The following DNAH6 variants were observed in gnomAD, a reference collection of about 807,000 sequenced individuals.
DNAH6 encodes the protein axonemal beta dynein heavy chain 6.
Under a neutral mutation model 491.4 loss-of-function variants are expected in DNAH6, and 340 were observed. That is an observed-to-expected ratio of 0.69 (90% confidence interval 0.63 to 0.76). DNAH6 has a LOEUF of 0.76. DNAH6 is among the 30% of genes least tolerant of loss of function. The pLI, the probability that DNAH6 is intolerant of heterozygous loss-of-function variation, is 0.00. For synonymous variants in DNAH6, 1,603 were observed against 1,686.1 expected (o/e 0.95, Z 1.21); for missense variants, 4,443 against 4,972.2 (o/e 0.89, Z 3.20).
At chr2:84,788,472 T>G (rs766325554) in intron 68 of DNAH6, among the ~76,000 whole-genome samples, 7 of 152,166 alleles carry the variant, frequency 4.6e-5, no homozygotes, top group Non-Finnish European at 1.0e-4. Flanking sequence ...ATAAGCTGAT[T>G]ATAAAATTCA....
At chr2:84,470,024 G>GCCTCTAA in the DNAH6 span, among the ~76,000 whole-genome samples, 1 of 152,118 alleles carries the variant, frequency 6.6e-6, no homozygotes, top group Non-Finnish European at 1.5e-5. Flanking sequence ...CCTAAGTTGG[G>GCCTCTAA]CCTCTAACCC....
intron 2 of DNAH6, among the ~76,000 whole-genome samples, chr2:84,524,508 T>C (rs2104427317): frequency 6.6e-6 from 1 of 152,226 alleles, no homozygotes; most frequent in Non-Finnish European, 1.5e-5. Context: ...ACTGGCTTGT[T>C]TGTGTGGTTG....
chr2:84,553,647 T>TTTG (rs962716228), intron 10 of DNAH6, among the ~76,000 whole-genome samples: 4 of 143,512 alleles, frequency 2.8e-5, no homozygotes, highest in Non-Finnish European at 6.1e-5. Flanking sequence ...TTTTTTTTTT[T>TTTG]TTTGTAGAGA....
chr2:84,486,939 T>C, the DNAH6 span, among the ~76,000 whole-genome samples: 1 of 152,130 alleles, frequency 6.6e-6, no homozygotes, highest in Non-Finnish European at 1.5e-5. Flanking sequence ...TCTGGACCAG[T>C]GCTCAGTGGC....
At chr2:84,740,989 CA>C (rs1672473979) in intron 62 of DNAH6, among the ~76,000 whole-genome samples, 1 of 152,192 alleles carries the variant, frequency 6.6e-6, no homozygotes, top group Admixed American at 6.5e-5. Context: ...GGTTACCAAA[CA>C]ATGGCTCTAA....
At chr2:84,640,129 G>A (rs1035469416) in intron 31 of DNAH6, among the ~76,000 whole-genome samples, 2 of 152,122 alleles carry the variant, frequency 1.3e-5, no homozygotes, top group East Asian at 1.9e-4. Context: ...CAACTTTCAC[G>A]ATGGGAACAT....
intron 17 of DNAH6, among the ~76,000 whole-genome samples, chr2:84,594,695 C>T (rs1684413034): frequency 2.0e-5 from 3 of 152,300 alleles, no homozygotes; most frequent in Middle Eastern, 3.4e-3. Flanking sequence ...GAAATACTAT[C>T]AACCTCACAA....
At chr2:84,727,147 G>A (rs998885333) in intron 60 of DNAH6, among the ~76,000 whole-genome samples, 7 of 152,184 alleles carry the variant, frequency 4.6e-5, no homozygotes, top group African/African-American at 1.7e-4. Context: ...AATCTGGGTT[G>A]AAGATGTGAA....
intron 23 of DNAH6, among the ~76,000 whole-genome samples, chr2:84,619,181 G>T (rs1168317000): frequency 6.6e-6 from 1 of 152,160 alleles, no homozygotes; most frequent in African/African-American, 2.4e-5. Context: ...AGCACATGCT[G>T]CAGGGAATAG....
chr2:84,817,570 C>T (rs1204630651), intron 76 of DNAH6, among the ~76,000 whole-genome samples: 1 of 151,980 alleles, frequency 6.6e-6, no homozygotes, highest in East Asian at 1.9e-4. Flanking sequence ...GAGTTCAACA[C>T]CAGCCTGGGC....
rs371510973 is a variant in DNAH6, at chr2:84,577,423, GA to G, written c.2076+24del. The G allele has an allele frequency of 9.9e-5, 148 of 1,502,422 alleles. No homozygotes were observed. The highest frequency in any genetic ancestry group is 2.1e-4 in the South Asian group (16 of 77,238). 93.1% of individuals were successfully genotyped at this position (1,502,422 alleles called of 1,614,324 possible). A position where few individuals can be genotyped will look rare whatever the true frequency, so the allele number is the denominator to read the frequency against. On this transcript the variant is annotated intron_variant, in intron 13 of 76. Coordinates refer to ENST00000389394, the MANE Select transcript of DNAH6 (RefSeq NM_001370.2). ...GATGCTTAGAGGTAACTATAAACTA[GA>G]AAAAAAAATAATTATTCCTCTACAA...
intron 3 of DNAH6, 96 bp from the exon 4 acceptor site, chr2:84,528,808 A>G (rs920287511): frequency 7.4e-6 from 9 of 1,211,236 alleles, no homozygotes; most frequent in African/African-American, 1.5e-5. Context: ...CATCTCATGC[A>G]ATATGGCAAT....
chr2:84,694,262 A>G lies in DNAH6; in HGVS notation c.7306A>G (p.Ile2436Val), dbSNP rs1695165464. The G allele has an allele frequency of 6.4e-7, 1 of 1,551,978 alleles. No homozygotes were observed. Among genetic ancestry groups the G allele is most frequent in the Non-Finnish European group, 8.7e-7 (1 of 1,147,020 alleles). ...IEHVSRIARM[I>V]RQERGNALLV... Reference sequence around the variant, plus strand: ...TGATGTTTGCAGGATTGCTCGGATGATACGTCAAGAAAGAGGCAATGCCCT... The same window carrying G: ...TGATGTTTGCAGGATTGCTCGGATGGTACGTCAAGAAAGAGGCAATGCCCT... The change falls in exon 46 of 77, where the codon ATA (isoleucine) becomes GTA (valine). Residue 2436 changes from isoleucine (I) to valine (V), a missense_variant. Coordinates refer to ENST00000389394, the MANE Select transcript of DNAH6 (RefSeq NM_001370.2).
At chr2:84,710,195 A>G (rs1696895555) in intron 55 of DNAH6, 92 bp from the exon 56 acceptor site, 3 of 1,462,678 alleles carry the variant, frequency 2.1e-6, no homozygotes, top group Middle Eastern at 1.8e-4. Flanking sequence ...TCTAGATTGA[A>G]TAACATTTCC....
Position 84,673,996 on chromosome 2 carries a change from G to A in DNAH6, c.6612+1512G>A, listed in dbSNP as rs1024803324. ...GTATAGAGTCAAGAGGGAGAAGGGG[G>A]AACCTAGGTTAACTGTCCCATTTCT... On this transcript the variant is annotated intron_variant, in intron 40 of 76. Transcript: ENST00000389394. Among the ~76,000 whole-genome samples the A allele has an allele frequency of 3.3e-5, 5 of 152,314 alleles. No homozygotes were observed. In the East Asian group the frequency reaches 9.6e-4, roughly 29 times the overall value.
intron 64 of DNAH6, chr2:84,778,272 C>T (rs1256013556): frequency 1.9e-5 from 11 of 572,906 alleles, no homozygotes; most frequent in Non-Finnish European, 2.9e-5. Context: ...CGGCGGGCAT[C>T]GGTGGCATGT....
chr2:84,548,977 C>T lies in DNAH6; in HGVS notation c.1316+560C>T, dbSNP rs78679913. 2.2e-4 allele frequency among the ~76,000 whole-genome samples: 33 copies of T among 152,326 alleles called. No individual in the cohort carries two copies. In the East Asian group the frequency reaches 6.2e-3, roughly 28 times the overall value. Reference sequence around the variant, plus strand: ...TTGGTCACAGAAGAACTATAGGCAGCTGCATAACATCACAAAGGTGCACCC... The same window carrying T: ...TTGGTCACAGAAGAACTATAGGCAGTTGCATAACATCACAAAGGTGCACCC... On this transcript the variant is annotated intron_variant, in intron 8 of 76. Coordinates refer to ENST00000389394, the MANE Select transcript of DNAH6 (RefSeq NM_001370.2).
chr2:84,556,717 T>C (rs1451896174), intron 10 of DNAH6, among the ~76,000 whole-genome samples: 1 of 152,230 alleles, frequency 6.6e-6, no homozygotes, highest in East Asian at 1.9e-4. Flanking sequence ...CATACTGATA[T>C]GCTGACATAC....
In DNAH6 at chr2:84,548,418, G is replaced by C; in HGVS notation, c.1316+1G>C. On this transcript the variant is annotated splice_donor_variant, in intron 8 of 76. Transcript: ENST00000389394. LOFTEE classifies it high-confidence loss of function. ...GGCATTATTGCATGAGGCTGACGTG[G>C]TAAGATTATTCTCATTTTCAAGAAA... 6.2e-7 allele frequency: 1 copy of C among 1,613,292 alleles called. No homozygotes were observed. The highest frequency in any genetic ancestry group is 8.5e-7 in the Non-Finnish European group (1 of 1,179,828).
Sources: gnomAD v4.1 joint callset for allele counts (sites outside exome capture counted in the v4.1 genomes callset) on GRCh38, gnomAD v4.1.1 for gene constraint, MANE v1.5 for transcripts, NCBI Gene and HGNC (gene_info 2026-07-23, HGNC 2026-07-21) for gene names.